Variants in POU6F2 observed in about 807,000 individuals in gnomAD.
POU6F2 encodes POU domain, class 6, transcription factor 2.
In POU6F2, 31 loss-of-function variants were observed where a neutral mutation model predicts 71.3. The ratio of observed to expected loss-of-function variants is 0.43; its 90% CI spans 0.33 to 0.59. The LOEUF is 0.59. POU6F2 is among the 20% of genes least tolerant of loss of function. The pLI is 0.04. For synonymous variants in POU6F2, 347 were observed against 355.7 expected (o/e 0.98, Z 0.27); for missense variants, 783 against 856.8 (o/e 0.91, Z 1.07).
intron 5 of POU6F2, among the ~76,000 whole-genome samples, chr7:39,343,636 G>A (rs759558220): frequency 9.2e-5 from 14 of 152,120 alleles, no homozygotes; most frequent in Non-Finnish European, 1.3e-4. Flanking sequence ...GCTGGGCATG[G>A]TTGGAGCCCA....
chr7:39,126,981 C>G (rs1792150976), intron 2 of POU6F2, among the ~76,000 whole-genome samples: 2 of 151,976 alleles, frequency 1.3e-5, no homozygotes, highest in Non-Finnish European at 2.9e-5. Context: ...TTTAAACTTT[C>G]TAGTAGCCAC....
intron 6 of POU6F2, among the ~76,000 whole-genome samples, chr7:39,419,154 T>A (rs1787788307): frequency 7.0e-6 from 1 of 143,828 alleles, no homozygotes; most frequent in Admixed American, 6.9e-5. Context: ...CGTATATATG[T>A]GTATATATAC....
intron 1 of POU6F2, among the ~76,000 whole-genome samples, chr7:39,015,991 A>ATATATT (rs1562671057): frequency 0.01 from 199 of 18,976 alleles, 8 homozygotes; most frequent in South Asian, 0.016. Context: ...AGATATATAT[A>ATATATT]ATATATAGAT....
chr7:39,289,481 T>C (rs1477594161), intron 4 of POU6F2, among the ~76,000 whole-genome samples: 1 of 152,238 alleles, frequency 6.6e-6, no homozygotes, highest in Non-Finnish European at 1.5e-5. Flanking sequence ...TTCATTTTTT[T>C]TTTCAGTTGA....
chr7:39,007,880 T>G (rs995904794), intron 1 of POU6F2, among the ~76,000 whole-genome samples: 109 of 151,910 alleles, frequency 7.2e-4, no homozygotes, highest in African/African-American at 2.4e-3. Context: ...GGCTGCATAG[T>G]ATTCCATCGT....
At chr7:39,068,997 C>G (rs1225924364) in intron 1 of POU6F2, among the ~76,000 whole-genome samples, 2 of 152,098 alleles carry the variant, frequency 1.3e-5, no homozygotes, top group Non-Finnish European at 2.9e-5. Context: ...ATCCACAGGA[C>G]CTGCGGATCA....
rs1195636560 is a variant in POU6F2, at chr7:39,291,435, A to G, written c.599-48207A>G. Among the ~76,000 whole-genome samples the G allele has an allele frequency of 4.6e-5, 7 of 152,194 alleles. 1 individual carries two copies. Among genetic ancestry groups the G allele is most frequent in the Admixed American group, 4.6e-4 (7 of 15,282 alleles). ...AGATGGCTTCCAGATATTACATCTCATCTTGTTTTGCTCTTTATGAGATGC... is the reference window on the plus strand; with the variant it reads ...AGATGGCTTCCAGATATTACATCTCGTCTTGTTTTGCTCTTTATGAGATGC... On this transcript the variant is annotated intron_variant, in intron 4 of 9. Coordinates refer to ENST00000518318, the MANE Select transcript of POU6F2 (RefSeq NM_001370959.1).
At chr7:39,067,170 TAA>T (rs1183885395) in intron 1 of POU6F2, among the ~76,000 whole-genome samples, 21 of 130,874 alleles carry the variant, frequency 1.6e-4, no homozygotes, top group Non-Finnish European at 2.3e-4. Flanking sequence ...TTACTTTGAC[TAA>T]AAAAAAAAAA....
At chr7:39,134,165 C>A (rs1406534101) in intron 2 of POU6F2, among the ~76,000 whole-genome samples, 3 of 152,294 alleles carry the variant, frequency 2.0e-5, no homozygotes, top group East Asian at 3.9e-4. Context: ...CATGAGCCAC[C>A]AAGCCCAGCC....
chr7:39,150,453 C>G (rs1290660835), intron 2 of POU6F2, among the ~76,000 whole-genome samples: 1 of 149,214 alleles, frequency 6.7e-6, no homozygotes, highest in Non-Finnish European at 1.5e-5. Flanking sequence ...AACAGCTGTA[C>G]CAAGCTACAT....
intron 4 of POU6F2, among the ~76,000 whole-genome samples, chr7:39,282,300 C>T (rs998412433): frequency 9.9e-5 from 15 of 152,028 alleles, no homozygotes; most frequent in Admixed American, 2.0e-4. Context: ...TTGGTATAGT[C>T]CTATCTGTCT....
intron 5 of POU6F2, among the ~76,000 whole-genome samples, chr7:39,373,018 G>C (rs1050051026): frequency 6.6e-6 from 1 of 152,204 alleles, no homozygotes; most frequent in Non-Finnish European, 1.5e-5. Context: ...GCTTGGGTTT[G>C]AATTCTGACT....
chr7:39,266,067 A>G (rs540833896), intron 4 of POU6F2, among the ~76,000 whole-genome samples: 1 of 152,336 alleles, frequency 6.6e-6, no homozygotes, highest in East Asian at 1.9e-4. Flanking sequence ...GATGTATCAA[A>G]GCATCTCACC....
intron 5 of POU6F2, among the ~76,000 whole-genome samples, chr7:39,340,505 G>T (rs113290876): frequency 0.02 from 3,090 of 152,108 alleles, 88 homozygotes; most frequent in African/African-American, 0.07. Flanking sequence ...AGACTCTCTG[G>T]GGTTAGGAGG....
intron 2 of POU6F2, among the ~76,000 whole-genome samples, chr7:39,113,589 A>G (rs915057417): frequency 2.6e-5 from 4 of 152,202 alleles, no homozygotes; most frequent in African/African-American, 9.6e-5. Flanking sequence ...AACCTAGTCA[A>G]CTCGAAACAA....
chr7:39,182,708 C>G (rs539417314), intron 2 of POU6F2, among the ~76,000 whole-genome samples: 30 of 152,144 alleles, frequency 2.0e-4, no homozygotes, highest in African/African-American at 6.7e-4. Context: ...CCATTGTATT[C>G]CCCAGAATTG....
chr7:39,343,034 T>G (rs908517452), intron 5 of POU6F2, among the ~76,000 whole-genome samples: 1 of 152,186 alleles, frequency 6.6e-6, no homozygotes, highest in Non-Finnish European at 1.5e-5. Context: ...TGTCTATAGA[T>G]TCTCCATTGA....
At chr7:39,382,445 C>T (rs1376384893) in intron 5 of POU6F2, among the ~76,000 whole-genome samples, 2 of 152,144 alleles carry the variant, frequency 1.3e-5, no homozygotes, top group African/African-American at 4.8e-5. Context: ...CCGAGGCAGG[C>T]GAGTGGACCA....
intron 1 of POU6F2, among the ~76,000 whole-genome samples, chr7:38,998,579 T>C (rs896673893): frequency 6.6e-6 from 1 of 152,146 alleles, no homozygotes; most frequent in South Asian, 2.1e-4. Flanking sequence ...TATTGACATG[T>C]TCTGTAAAGT....
Sources: gnomAD v4.1 joint callset for allele counts (sites outside exome capture counted in the v4.1 genomes callset) on GRCh38, gnomAD v4.1.1 for gene constraint, MANE v1.5 for transcripts, NCBI Gene and HGNC (gene_info 2026-07-23, HGNC 2026-07-21) for gene names.